RBM8A: variants seen among roughly 807,000 people sequenced by gnomAD.
The protein encoded by RBM8A is RNA binding motif protein 8A.
In RBM8A, 8 loss-of-function variants were observed where a neutral mutation model predicts 25.1. The observed-to-expected ratio is 0.32, with a 90% confidence interval of 0.19 to 0.58. The LOEUF (loss-of-function observed/expected upper bound fraction) is 0.58, where lower values mean the gene tolerates loss of function less well. RBM8A is among the 20% of genes least tolerant of loss of function. The probability of loss-of-function intolerance (pLI) is 0.88; values close to 1 mark genes in which losing one functional copy is unlikely to be tolerated. For synonymous variants in RBM8A, 66 were observed against 80.0 expected, an observed-to-expected ratio of 0.82 and a Z score of 0.94; for missense variants, 114 against 236.8, an observed-to-expected ratio of 0.48 and a Z score of 3.40.
chr1:145,926,355 C>T lies in RBM8A; in HGVS notation c.342+127G>A, dbSNP rs1553755897. 23 of 1,483,538 alleles carry T rather than the reference C, an allele frequency of 1.6e-5. No homozygotes were observed. The South Asian group carries it at 2.7e-4, about 18-fold the overall frequency. The allele number at this position is 1,483,538 out of a possible 1,614,324, so 91.9% of individuals were successfully genotyped here. ...GTTTCTGTCTCTTTGGCGTGTCTGA[C>T]AAAACATAGATTTCCAATGTCATTT... is the stretch of plus-strand genomic sequence containing the variant. On this transcript the variant is annotated intron_variant, in intron 4 of 5. Coordinates refer to ENST00000583313, the MANE Select transcript of RBM8A (RefSeq NM_005105.5).
rs1325823849 is a variant in RBM8A, at chr1:145,924,756, C to T, written c.*1126G>A. ...CTAGCTATGCCCCTCCATCAATTCA[C>T]CCTATACTCAGATCAGAAGCTGAGT... is the stretch of plus-strand genomic sequence containing the variant. On this transcript the variant is annotated 3_prime_UTR_variant, in exon 6 of 6. Transcript: ENST00000583313. The T allele has an allele frequency of 2.6e-6, 1 of 377,752 alleles. No individual in the cohort carries two copies. The highest frequency in any genetic ancestry group is 2.0e-5 in the South Asian group (1 of 51,120). 23.4% of individuals were successfully genotyped at this position (377,752 alleles called of 1,614,324 possible).
chr1:145,926,651 C>G, intron 3 of RBM8A, 33 bp from the exon 4 acceptor site: 1 of 1,613,412 alleles, frequency 6.2e-7, no homozygotes, highest in Non-Finnish European at 8.5e-7. Flanking sequence ...TGTATGAGTA[C>G]ATGAGAGACA....
chr1:145,924,385 G>A lies in RBM8A; in HGVS notation c.*1497C>T, dbSNP rs1559230150. The stretch of plus-strand genomic sequence containing the variant: ...GCCATGGTGAGACTCCAATTCCCAG[G>A]CCTTAATCCTTAACCCTAGACCTGT... On this transcript the variant is annotated 3_prime_UTR_variant, in exon 6 of 6. Coordinates refer to ENST00000583313, the MANE Select transcript of RBM8A (RefSeq NM_005105.5). The A allele has an allele frequency of 4.2e-6, 2 of 480,364 alleles. No homozygotes were observed. The highest frequency in any genetic ancestry group is 4.7e-5 in the Admixed American group (2 of 42,864). 29.8% of individuals were successfully genotyped at this position (480,364 alleles called of 1,614,324 possible).
At position 145,924,221 on chromosome 1, in the gene RBM8A, A is replaced by G. The variant is rs1647971713; in HGVS notation, c.*1661T>C. The G allele has an allele frequency of 1.5e-6, 1 of 665,588 alleles. No individual in the cohort carries two copies. The highest frequency in any genetic ancestry group is 2.1e-5 in the Admixed American group (1 of 48,174). The allele number at this position is 665,588 out of a possible 1,614,324, so 41.2% of individuals were successfully genotyped here. A position where few individuals can be genotyped will look rare whatever the true frequency, so the allele number is the denominator to read the frequency against. The stretch of plus-strand genomic sequence containing the variant: ...TTTCACTCAGTGTGTCACCAAAGGC[A>G]GCTTCAAGGCTCAATGGCAAGAGAC... On this transcript the variant is annotated 3_prime_UTR_variant, in exon 6 of 6. Coordinates refer to ENST00000583313, the MANE Select transcript of RBM8A (RefSeq NM_005105.5).
chr1:145,923,799 C>T lies in RBM8A; in HGVS notation c.*2083G>A, dbSNP rs1647940047. On this transcript the variant is annotated 3_prime_UTR_variant, in exon 6 of 6. Transcript: ENST00000583313. ...CCCATTTTACACAATATTTCTTTTTCCACAAAATAACAGACATACCAGGAA... is the reference window on the plus strand; with the variant it reads ...CCCATTTTACACAATATTTCTTTTTTCACAAAATAACAGACATACCAGGAA... The T allele has an allele frequency of 3.8e-6, 2 of 525,308 alleles. No homozygotes were observed. The highest frequency in any genetic ancestry group is 1.9e-5 in the African/African-American group (1 of 53,194). The allele number at this position is 525,308 out of a possible 1,614,324, so 32.5% of individuals were successfully genotyped here. A position where few individuals can be genotyped will look rare whatever the true frequency, so the allele number is the denominator to read the frequency against.
At position 145,925,693 on chromosome 1, in the gene RBM8A, A is replaced by C; in HGVS notation, c.*189T>G. On this transcript the variant is annotated 3_prime_UTR_variant, in exon 6 of 6. Coordinates refer to ENST00000583313, the MANE Select transcript of RBM8A (RefSeq NM_005105.5). ...AGCCTTGCTATGCTTTAGAACTTTC[A>C]ATTTTAGGACAGGAAAGTAACATTA... 1 of 622,974 alleles carries C rather than the reference A, an allele frequency of 1.6e-6. No homozygotes were observed. The allele number at this position is 622,974 out of a possible 1,614,324, so 38.6% of individuals were successfully genotyped here.
Position 145,927,090 on chromosome 1 carries a change from A to C in RBM8A, c.68-13T>G. The C allele has an allele frequency of 6.2e-7, 1 of 1,611,682 alleles. No individual in the cohort carries two copies. Among genetic ancestry groups the C allele is most frequent in the Non-Finnish European group, 8.5e-7 (1 of 1,177,834 alleles). The stretch of plus-strand genomic sequence containing the variant: ...TTGTGAATGCTCTCTGGAACCCCAG[A>C]AGATAAAAGAATAAGTAACTATGAC... On this transcript the variant is annotated splice_polypyrimidine_tract_variant and intron_variant, in intron 1 of 5. Coordinates refer to ENST00000583313, the MANE Select transcript of RBM8A (RefSeq NM_005105.5).
rs1355676118 is a variant in RBM8A, at chr1:145,923,090, C to T, written c.*2792G>A. 6.6e-6 allele frequency: 1 copy of T among 151,988 alleles called. No individual in the cohort carries two copies. The highest frequency in any genetic ancestry group is 1.5e-5 in the Non-Finnish European group (1 of 68,004). 9.4% of individuals were successfully genotyped at this position (151,988 alleles called of 1,614,324 possible). A position where few individuals can be genotyped will look rare whatever the true frequency, so the allele number is the denominator to read the frequency against. ...GACTACAGGCACCTACCACCACGCC[C>T]GGCTAGTTTTTTGTATCTTTAGTAC... is the stretch of plus-strand genomic sequence containing the variant. On this transcript the variant is annotated 3_prime_UTR_variant, in exon 6 of 6. Coordinates refer to ENST00000583313, the MANE Select transcript of RBM8A (RefSeq NM_005105.5).
chr1:145,926,273 A>G, intron 4 of RBM8A, 96 bp from the exon 5 acceptor site: 1 of 1,522,430 alleles, frequency 6.6e-7, no homozygotes, highest in Admixed American at 1.8e-5. Flanking sequence ...AAAAATCTAC[A>G]CACTTTAAAC....
Position 145,926,094 on chromosome 1 carries a change from C to T in RBM8A, c.426G>A (p.Gln142=), listed in dbSNP as rs368483266. 1.2e-6 allele frequency: 2 copies of T among 1,614,112 alleles called. No homozygotes were observed. Among genetic ancestry groups the T allele is most frequent in the Middle Eastern group, 1.6e-4 (1 of 6,082 alleles). Reference sequence around the variant, plus strand: ...CAAAACACCAGTCAACGCTGATGGGCTGTCCCATCAAATCCTGGCCATTGA... The same window carrying T: ...CAAAACACCAGTCAACGCTGATGGGTTGTCCCATCAAATCCTGGCCATTGA... ...EGLNGQDLMG[Q]PISVDWCFVR... Residue 142 remains glutamine, a synonymous_variant, in exon 5 of 6, where the codon CAG becomes CAA. Coordinates refer to ENST00000583313, the MANE Select transcript of RBM8A (RefSeq NM_005105.5).
In RBM8A at chr1:145,925,896, G is replaced by A. The variant is rs782344526; in HGVS notation, c.511C>T (p.Arg171Trp). 1.6e-5 allele frequency: 26 copies of A among 1,613,918 alleles called. No homozygotes were observed. Among genetic ancestry groups the A allele is most frequent in the Non-Finnish European group, 1.9e-5 (23 of 1,180,034 alleles). ...CAGAGGACCTGTCAGCGACGTCTCC[G>A]GTCTGGACTTCTGCTGCGTCTTCGG... ...GGRRRSRSPD[R>W]RRR is the part of the protein sequence containing the mutation. Residue 171 changes from arginine to tryptophan, a missense_variant, in exon 6 of 6, where the codon CGG becomes TGG. This residue lies in a region of RBM8A where 102 missense variants were observed against 182.7 expected (regional missense o/e 0.56). Transcript: ENST00000583313.
At position 145,925,596 on chromosome 1, in the gene RBM8A, T is replaced by C. The variant is rs1553755704; in HGVS notation, c.*286A>G. On this transcript the variant is annotated 3_prime_UTR_variant, in exon 6 of 6. Coordinates refer to ENST00000583313, the MANE Select transcript of RBM8A (RefSeq NM_005105.5). Reference sequence around the variant, plus strand: ...CACCCTGGGTAACACAGCAAGACTCTATCTCAAAAAAAAGAAAAAAAAGAA... The same window carrying C: ...CACCCTGGGTAACACAGCAAGACTCCATCTCAAAAAAAAGAAAAAAAAGAA... 2.6e-6 allele frequency: 1 copy of C among 380,380 alleles called. No individual in the cohort carries two copies. Among genetic ancestry groups the C allele is most frequent in the African/African-American group, 2.1e-5 (1 of 47,222 alleles). The allele number at this position is 380,380 out of a possible 1,614,324, so 23.6% of individuals were successfully genotyped here.
chr1:145,926,943 T>A (rs1553756064), intron 2 of RBM8A, 57 bp from the exon 3 acceptor site: 1 of 1,614,040 alleles, frequency 6.2e-7, no homozygotes. Context: ...ATTGTTCCTA[T>A]GAGGTGGGTG....
chr1:145,924,805 A>T lies in RBM8A; in HGVS notation c.*1077T>A, dbSNP rs1553755542. The T allele has an allele frequency of 2.8e-6, 1 of 351,942 alleles. No homozygotes were observed. The highest frequency in any genetic ancestry group is 2.3e-5 in the African/African-American group (1 of 42,744). 21.8% of individuals were successfully genotyped at this position (351,942 alleles called of 1,614,324 possible). ...GTGTCTGAATTACAGTATATTTTCTAAATTCCTAGCCCCTGCTGGTGAATT... is the reference window on the plus strand; with the variant it reads ...GTGTCTGAATTACAGTATATTTTCTTAATTCCTAGCCCCTGCTGGTGAATT... On this transcript the variant is annotated 3_prime_UTR_variant, in exon 6 of 6. Transcript: ENST00000583313.
At position 145,924,686 on chromosome 1, in the gene RBM8A, C is replaced by T. The variant is rs1218490542; in HGVS notation, c.*1196G>A. The T allele has an allele frequency of 1.7e-5, 6 of 359,270 alleles. No individual in the cohort carries two copies. The highest frequency in any genetic ancestry group is 3.3e-5 in the Non-Finnish European group (6 of 181,268). 22.3% of individuals were successfully genotyped at this position (359,270 alleles called of 1,614,324 possible). A position where few individuals can be genotyped will look rare whatever the true frequency, so the allele number is the denominator to read the frequency against. ...TAGTCCCAGGTTGGGAAGGGGAAAA[C>T]GGTTTGCAACATTCTCCTCCTTGTA... On this transcript the variant is annotated 3_prime_UTR_variant, in exon 6 of 6. Coordinates refer to ENST00000583313, the MANE Select transcript of RBM8A (RefSeq NM_005105.5).
rs1219384412 is a variant in RBM8A, at chr1:145,925,305, C to G, written c.*577G>C. On this transcript the variant is annotated 3_prime_UTR_variant, in exon 6 of 6. Coordinates refer to ENST00000583313, the MANE Select transcript of RBM8A (RefSeq NM_005105.5). ...AAGATCTTAACATCTCACTTCTACT[C>G]CTGCTCTCCTAGTTCCCCCCAAAAA... 6.4e-6 allele frequency: 2 copies of G among 313,800 alleles called. No homozygotes were observed. Among genetic ancestry groups the G allele is most frequent in the Non-Finnish European group, 1.2e-5 (2 of 160,892 alleles). The allele number at this position is 313,800 out of a possible 1,614,324, so 19.4% of individuals were successfully genotyped here. A position where few individuals can be genotyped will look rare whatever the true frequency, so the allele number is the denominator to read the frequency against.
At position 145,926,845 on chromosome 1, in the gene RBM8A, C is replaced by T. The variant is rs782390577; in HGVS notation, c.169G>A (p.Val57Met). The T allele has an allele frequency of 1.2e-5, 20 of 1,614,196 alleles. No homozygotes were observed. Among genetic ancestry groups the T allele is most frequent in the Non-Finnish European group, 1.6e-5 (19 of 1,180,040 alleles). The change falls in exon 3 of 6, where the codon GTG becomes ATG. Residue 57 changes from valine (V) to methionine (M), a missense_variant. This residue lies in a region of RBM8A where 102 missense variants were observed against 182.7 expected (regional missense o/e 0.56). Transcript: ENST00000583313. ...RARMREDYDS[V>M]EQDGDEPGPQ... ...CCGGGTTCATCGCCATCCTGCTCCA[C>T]GCTGTCATAATCCTCACGCATCCGC...
chr1:145,925,585 C>A lies in RBM8A; in HGVS notation c.*297G>T. 2 of 366,160 alleles carry A rather than the reference C, an allele frequency of 5.5e-6. No individual in the cohort carries two copies. Among genetic ancestry groups the A allele is most frequent in the Non-Finnish European group, 5.2e-6 (1 of 192,628 alleles). The allele number at this position is 366,160 out of a possible 1,614,324, so 22.7% of individuals were successfully genotyped here. On this transcript the variant is annotated 3_prime_UTR_variant, in exon 6 of 6. Transcript: ENST00000583313. ...CAGCTGCAATCCACCCTGGGTAACA[C>A]AGCAAGACTCTATCTCAAAAAAAAG...
At position 145,925,715 on chromosome 1, in the gene RBM8A, A is replaced by G. The variant is rs1213816069; in HGVS notation, c.*167T>C. On this transcript the variant is annotated 3_prime_UTR_variant, in exon 6 of 6. Coordinates refer to ENST00000583313, the MANE Select transcript of RBM8A (RefSeq NM_005105.5). ...TTCAATTTTAGGACAGGAAAGTAAC[A>G]TTAAATGTAGAAAACAAAAATGGAA... is the stretch of plus-strand genomic sequence containing the variant. 8.5e-6 allele frequency: 6 copies of G among 708,780 alleles called. No homozygotes were observed. Among genetic ancestry groups the G allele is most frequent in the African/African-American group, 7.2e-5 (4 of 55,792 alleles). 43.9% of individuals were successfully genotyped at this position (708,780 alleles called of 1,614,324 possible). A position where few individuals can be genotyped will look rare whatever the true frequency, so the allele number is the denominator to read the frequency against.
Sources: allele counts gnomAD v4.1 joint callset, GRCh38; gene constraint gnomAD v4.1.1; regional missense constraint gnomAD v4.1.1; transcripts MANE v1.5; gene names NCBI Gene and HGNC (gene_info 2026-07-23, HGNC 2026-07-21).